The following PCDHA8 variants were observed in gnomAD, a reference collection of about 807,000 sequenced individuals.
PCDHA8 encodes the protein protocadherin alpha-8.
Under a neutral mutation model 61.8 loss-of-function variants are expected in PCDHA8, and 53 were observed. That is an observed-to-expected ratio of 0.86 (90% CI 0.69 to 1.08). The LOEUF (loss-of-function observed/expected upper bound fraction) is 1.08, where lower values mean the gene tolerates loss of function less well. PCDHA8 is among the 50% of genes least tolerant of loss of function. PCDHA8 has a pLI of 0.00. For synonymous variants in PCDHA8, 618 were observed against 556.6 expected, an observed-to-expected ratio of 1.11 and a Z score of -1.55; for missense variants, 1,293 against 1,245.0, an observed-to-expected ratio of 1.04 and a Z score of -0.58.
chr5:140,969,129 C>G (rs576180714), intron 1 of PCDHA8: 4 of 1,614,144 alleles, frequency 2.5e-6, no homozygotes, highest in Admixed American at 1.7e-5. Context: ...GGCTCCCTCA[C>G]CAAGACCTAC....
intron 1 of PCDHA8, chr5:140,927,514 G>T: frequency 6.2e-7 from 1 of 1,614,056 alleles, no homozygotes; most frequent in Non-Finnish European, 8.5e-7. Flanking sequence ...AGCTCGGGAC[G>T]GCGGGCTACC....
At position 140,876,570 on chromosome 5, in the gene PCDHA8, T is replaced by A. The variant is rs782551095; in HGVS notation, c.2394+32855T>A. 5.7e-5 allele frequency: 92 copies of A among 1,614,172 alleles called. No individual in the cohort carries two copies. In the East Asian group the frequency reaches 2.0e-3, roughly 35 times the overall value. On this transcript the variant is annotated intron_variant, in intron 1 of 3. Coordinates refer to ENST00000531613, the MANE Select transcript of PCDHA8 (RefSeq NM_018911.3). The stretch of plus-strand genomic sequence containing the variant: ...CTGTGCAAGAGGATGCTCAGGTGGG[T>A]ACCGTCATTGCCCTGATTAGCGTGT...
intron 1 of PCDHA8, among the ~76,000 whole-genome samples, chr5:140,890,852 C>G (rs2153432069): frequency 6.6e-6 from 1 of 152,254 alleles, no homozygotes; most frequent in South Asian, 2.1e-4. Flanking sequence ...TGTTTCTCTT[C>G]CTTACTTCTT....
chr5:140,885,525 A>G (rs1206570848), intron 1 of PCDHA8, among the ~76,000 whole-genome samples: 4 of 152,128 alleles, frequency 2.6e-5, no homozygotes, highest in Admixed American at 6.6e-5. Flanking sequence ...ATCATTTCAT[A>G]TATTTCCCAA....
intron 1 of PCDHA8, chr5:140,929,189 A>C (rs782622519): frequency 3.1e-6 from 5 of 1,614,180 alleles, no homozygotes; most frequent in Non-Finnish European, 3.4e-6. Context: ...GGTTCTGATA[A>C]TAACAGTTTG....
chr5:140,859,119 T>C (rs1275680120), intron 1 of PCDHA8: 2 of 150,176 alleles, frequency 1.3e-5, no homozygotes, highest in African/African-American at 4.9e-5. Context: ...AAAATGTATG[T>C]TTCTTTTATT....
chr5:140,922,257 G>A (rs2080747240), intron 1 of PCDHA8, among the ~76,000 whole-genome samples: 5 of 152,172 alleles, frequency 3.3e-5, no homozygotes, highest in Admixed American at 3.3e-4. Context: ...AAGTTACTAA[G>A]TGCCATGAAG....
chr5:140,869,546 C>A (rs201504685), intron 1 of PCDHA8: 3 of 1,614,170 alleles, frequency 1.9e-6, no homozygotes, highest in East Asian at 4.5e-5. Flanking sequence ...TCTAAGCAAT[C>A]GGACTCGCGT....
At chr5:140,857,346 C>T (rs782309251) in intron 1 of PCDHA8, 1 of 1,598,444 alleles carries the variant, frequency 6.3e-7, no homozygotes, top group South Asian at 1.1e-5. Flanking sequence ...GGCTCGCCTC[C>T]GCTGTGGGCC....
chr5:140,911,480 G>A (rs2075504387), intron 1 of PCDHA8, among the ~76,000 whole-genome samples: 1 of 152,142 alleles, frequency 6.6e-6, no homozygotes, highest in African/African-American at 2.4e-5. Flanking sequence ...CTCTCACTCA[G>A]GGCAATCTTA....
At chr5:140,975,120 C>CT (rs140169299) in intron 1 of PCDHA8, among the ~76,000 whole-genome samples, 5 of 152,258 alleles carry the variant, frequency 3.3e-5, no homozygotes, top group African/African-American at 1.2e-4. Flanking sequence ...TGTTTTCCTA[C>CT]TTACTATTGG....
intron 1 of PCDHA8, chr5:140,883,308 C>A: frequency 6.2e-7 from 1 of 1,614,102 alleles, no homozygotes; most frequent in Non-Finnish European, 8.5e-7. Context: ...AATGATAACG[C>A]CCCAGAGGTT....
intron 1 of PCDHA8, chr5:140,881,430 T>G: frequency 1.1e-6 from 1 of 889,582 alleles, no homozygotes; most frequent in Non-Finnish European, 1.3e-6. Flanking sequence ...TCCAGGCATA[T>G]TTTATAAAAA....
chr5:140,875,698 G>C (rs2055722414), intron 1 of PCDHA8: 1 of 1,614,084 alleles, frequency 6.2e-7, no homozygotes, highest in African/African-American at 1.3e-5. Context: ...GGACCTTCTG[G>C]AGGTAAATCT....
At chr5:140,931,758 A>G (rs1374881766) in intron 1 of PCDHA8, among the ~76,000 whole-genome samples, 1 of 151,944 alleles carries the variant, frequency 6.6e-6, no homozygotes, top group African/African-American at 2.4e-5. Flanking sequence ...GGCATTTGTT[A>G]TTTACTTCTT....
rs1359439804 is a variant in PCDHA8 at position 140,846,369 on chromosome 5, CTTTCTTTTTT to C, written c.2394+2658_2394+2667del. ...TTCTCTTTTTTCTTTTCTTTTCTTTCTTTCTTTTTTTTTTTTTTTTTTTGAGACGGAGTCT... is the reference window on the plus strand; with the variant it reads ...TTCTCTTTTTTCTTTTCTTTTCTTTCTTTTTTTTTTTTTGAGACGGAGTCT... On this transcript the variant is annotated intron_variant, in intron 1 of 3. Coordinates refer to ENST00000531613, the MANE Select transcript of PCDHA8 (RefSeq NM_018911.3). 7.0e-4 allele frequency among the ~76,000 whole-genome samples: 72 copies of C among 102,178 alleles called. 4 individuals are homozygous for C. The highest frequency in any genetic ancestry group is 2.6e-3 in the African/African-American group (68 of 26,232). The allele number at this position is 102,178 out of a possible 152,430, so 67.0% of individuals were successfully genotyped here.
intron 1 of PCDHA8, among the ~76,000 whole-genome samples, chr5:140,963,165 A>G (rs775997183): frequency 2.6e-5 from 4 of 152,110 alleles, no homozygotes; most frequent in Non-Finnish European, 5.9e-5. Flanking sequence ...GACACATGCC[A>G]TCTTACAGAT....
chr5:140,876,853 A>G, intron 1 of PCDHA8: 1 of 1,614,094 alleles, frequency 6.2e-7, no homozygotes. Context: ...GCCCGAGTAC[A>G]CAGTGTTCGT....
chr5:140,877,902 C>T (rs2153356896), intron 1 of PCDHA8: 1 of 1,438,302 alleles, frequency 7.0e-7, no homozygotes, highest in Middle Eastern at 2.3e-4. Flanking sequence ...TAGGTTATAA[C>T]TACATTCTCT....
Sources: gnomAD v4.1 joint callset for allele counts (sites outside exome capture counted in the v4.1 genomes callset) on GRCh38, gnomAD v4.1.1 for gene constraint, MANE v1.5 for transcripts, NCBI Gene and HGNC (gene_info 2026-07-23, HGNC 2026-07-21) for gene names.